The following OGDH variants were observed in gnomAD, a reference collection of about 807,000 sequenced individuals.
OGDH encodes the protein oxoglutarate dehydrogenase.
A neutral mutation model predicts 116.6 loss-of-function variants in OGDH; 38 were observed. That is an observed-to-expected ratio of 0.33 (90% CI 0.25 to 0.43). The LOEUF is 0.43. Among genes scored for constraint, OGDH ranks in the 20% least tolerant of loss-of-function variants. The probability of loss-of-function intolerance (pLI) is 1.00; values close to 1 mark genes in which losing one functional copy is unlikely to be tolerated. For missense variants in OGDH, 825 were observed against 1,357.2 expected (o/e 0.61, Z 6.16); for synonymous variants, 488 against 533.3 (o/e 0.92, Z 1.17).
chr7:44,704,695 G>C (rs74568998), intron 20 of OGDH, among the ~76,000 whole-genome samples: 6,070 of 151,724 alleles, frequency 0.04, 153 homozygotes, highest in Middle Eastern at 0.099. Flanking sequence ...TTTTGGGTTT[G>C]GGTGTTTTTT....
intron 1 of OGDH, among the ~76,000 whole-genome samples, chr7:44,609,089 A>G (rs1390797821): frequency 3.9e-5 from 6 of 152,008 alleles, no homozygotes; most frequent in Admixed American, 1.3e-4. Context: ...TCTGTTCTTC[A>G]TTTCCCTAAT....
intron 18 of OGDH, 63 bp from the exon 19 acceptor site, chr7:44,700,078 C>G: frequency 1.3e-6 from 2 of 1,575,034 alleles, no homozygotes; most frequent in Non-Finnish European, 1.7e-6. Flanking sequence ...CTGAGGGCCC[C>G]CACATGCCCC....
In OGDH at chr7:44,676,137, T is replaced by G; in HGVS notation, c.1194T>G (p.Thr398=). ...TKAEQFYCGD[T]EGKKVMSILL... ...CCGAACAGTTTTACTGTGGCGACAC[T>G]GAAGGGAAAAAGGTAAGGCCCAGAG... is the stretch of plus-strand genomic sequence containing the variant. Residue 398 remains threonine (T), a synonymous_variant, in exon 9 of 23, where the codon ACT becomes ACG. Coordinates refer to ENST00000222673, the MANE Select transcript of OGDH (RefSeq NM_002541.4). The G allele has an allele frequency of 6.2e-7, 1 of 1,613,938 alleles. No individual in the cohort carries two copies. Among genetic ancestry groups the G allele is most frequent in the Non-Finnish European group, 8.5e-7 (1 of 1,179,960 alleles).
chr7:44,614,498 T>C (rs2107768), intron 1 of OGDH, among the ~76,000 whole-genome samples: 69,728 of 151,648 alleles, frequency 0.46, 16,157 homozygotes, highest in East Asian at 0.6. Context: ...CCAATGACAT[T>C]AATATTAGAT....
At position 44,651,564 on chromosome 7, in the gene OGDH, A is replaced by C. The variant is rs559483794; in HGVS notation, c.517+3805A>C. 1.2e-3 allele frequency among the ~76,000 whole-genome samples: 186 copies of C among 152,106 alleles called. 1 individual carries two copies. Among genetic ancestry groups the C allele is most frequent in the African/African-American group, 4.3e-3 (179 of 41,524 alleles). On this transcript the variant is annotated intron_variant, in intron 4 of 22. Coordinates refer to ENST00000222673, the MANE Select transcript of OGDH (RefSeq NM_002541.4). ...GTTGAGATGGTAGGGCCAGTGGTTTATTATTATTATTATTTGAGATGGAAT... is the reference window on the plus strand; with the variant it reads ...GTTGAGATGGTAGGGCCAGTGGTTTCTTATTATTATTATTTGAGATGGAAT...
intron 1 of OGDH, among the ~76,000 whole-genome samples, chr7:44,621,197 C>T (rs777791016): frequency 2.6e-4 from 40 of 152,250 alleles, no homozygotes; most frequent in Admixed American, 1.0e-3. Context: ...CCTCAGCCTC[C>T]GGGGTAGCTG....
chr7:44,624,681 C>A, intron 2 of OGDH, 116 bp downstream of exon 2: 1 of 855,162 alleles, frequency 1.2e-6, no homozygotes, highest in South Asian at 1.4e-5. Context: ...GCAGCTGGAG[C>A]GCCATACCAA....
intron 20 of OGDH, among the ~76,000 whole-genome samples, chr7:44,703,753 C>T (rs529908921): frequency 2.0e-5 from 3 of 151,564 alleles, no homozygotes; most frequent in Admixed American, 6.6e-5. Flanking sequence ...GGGGTGGTGG[C>T]GCATACCTGT....
chr7:44,684,314 T>C (rs1420051108), intron 10 of OGDH, among the ~76,000 whole-genome samples: 2 of 152,018 alleles, frequency 1.3e-5, no homozygotes, highest in East Asian at 1.9e-4. Context: ...TAGTTTAGAA[T>C]TGATTAGAGG....
At chr7:44,647,804 G>T (rs373759293) in intron 4 of OGDH, 45 bp downstream of exon 4, 1 of 1,446,760 alleles carries the variant, frequency 6.9e-7, no homozygotes, top group South Asian at 1.1e-5. Flanking sequence ...AGCTCCTCTC[G>T]CTGTGCCACG....
intron 18 of OGDH, 137 bp from the exon 19 acceptor site, chr7:44,700,004 C>A: frequency 1.1e-6 from 1 of 949,286 alleles, no homozygotes; most frequent in Non-Finnish European, 1.6e-6. Context: ...GCCCCACCTC[C>A]AGCAGTGGGA....
At chr7:44,610,483 T>C (rs1179059961) in intron 1 of OGDH, among the ~76,000 whole-genome samples, 2 of 152,042 alleles carry the variant, frequency 1.3e-5, no homozygotes, top group Admixed American at 6.6e-5. Context: ...TTTGTATTTT[T>C]AGTAGAGACG....
intron 1 of OGDH, among the ~76,000 whole-genome samples, chr7:44,607,326 A>G (rs1359279295): frequency 6.6e-6 from 1 of 152,210 alleles, no homozygotes; most frequent in African/African-American, 2.4e-5. Context: ...TCGAAAATAT[A>G]TCAGACATTG....
In OGDH at chr7:44,676,610, GTGTGTATATA is replaced by G. The variant is rs1282057557; in HGVS notation, c.1206+463_1206+472del. ...TATGTATATGTATGTATGTGTGTGTGTGTGTATATATATATATATATATATATATATTTAA... is the reference window on the plus strand; with the variant it reads ...TATGTATATGTATGTATGTGTGTGTGTATATATATATATATATATATTTAA... On this transcript the variant is annotated intron_variant, in intron 9 of 22. Coordinates refer to ENST00000222673, the MANE Select transcript of OGDH (RefSeq NM_002541.4). 1,262 of 140,828 alleles carry G rather than the reference GTGTGTATATA, an allele frequency of 9.0e-3. 20 individuals are homozygous for G. Among genetic ancestry groups the G allele is most frequent in the African/African-American group, 0.036 (1,207 of 33,584 alleles). The allele number at this position is 140,828 out of a possible 1,614,324, so 8.7% of individuals were successfully genotyped here. A position where few individuals can be genotyped will look rare whatever the true frequency, so the allele number is the denominator to read the frequency against.
chr7:44,673,645 C>T (rs1787566324), intron 5 of OGDH, 142 bp from the exon 6 acceptor site: 3 of 804,222 alleles, frequency 3.7e-6, no homozygotes, highest in South Asian at 3.2e-5. Context: ...TCCATCCCAT[C>T]CTCAGTCACA....
chr7:44,682,274 G>T (rs563428533), intron 10 of OGDH, among the ~76,000 whole-genome samples: 12 of 151,954 alleles, frequency 7.9e-5, no homozygotes, highest in Non-Finnish European at 1.5e-4. Flanking sequence ...GATCCCAGCT[G>T]CTTGGAAGGC....
At chr7:44,642,822 T>C (rs1218805632) in intron 2 of OGDH, among the ~76,000 whole-genome samples, 2 of 151,394 alleles carry the variant, frequency 1.3e-5, no homozygotes, top group Non-Finnish European at 2.9e-5. Context: ...CTCGGGAGGC[T>C]GAGGCAGGAG....
chr7:44,607,509 A>C (rs1438477062), intron 1 of OGDH, among the ~76,000 whole-genome samples: 1 of 152,178 alleles, frequency 6.6e-6, no homozygotes, highest in East Asian at 1.9e-4. Context: ...TTCCAGGTAC[A>C]CTGCTCTGAA....
chr7:44,672,826 A>G (rs933363319), intron 5 of OGDH, among the ~76,000 whole-genome samples: 1 of 152,058 alleles, frequency 6.6e-6, no homozygotes, highest in East Asian at 1.9e-4. Flanking sequence ...TATTTTTAGT[A>G]GAGACGGGGT....
Sources: gnomAD v4.1 joint callset for allele counts (sites outside exome capture counted in the v4.1 genomes callset) on GRCh38, gnomAD v4.1.1 for gene constraint, MANE v1.5 for transcripts, NCBI Gene and HGNC (gene_info 2026-07-23, HGNC 2026-07-21) for gene names.